ASAP1: variants seen among roughly 807,000 people sequenced by gnomAD.
The protein encoded by ASAP1 is arf-GAP with SH3 domain, ANK repeat and PH domain-containing protein 1.
In ASAP1, 43 loss-of-function variants were observed where a neutral mutation model predicts 145.2. The observed-to-expected ratio is 0.30, with a 90% CI of 0.23 to 0.38. ASAP1 has a LOEUF of 0.38. ASAP1 is among the 10% of genes least tolerant of loss of function. ASAP1 has a pLI of 1.00. For missense variants in ASAP1, 1,018 were observed against 1,355.3 expected (o/e 0.75, Z 3.91); for synonymous variants, 546 against 515.5 (o/e 1.06, Z -0.80).
At chr8:130,120,304 T>C (rs185004922) in intron 18 of ASAP1, among the ~76,000 whole-genome samples, 155 of 152,358 alleles carry the variant, frequency 1.0e-3, no homozygotes, top group Non-Finnish European at 1.1e-3. Context: ...AGGCAGCTAC[T>C]GTGTTGATGG....
At chr8:130,414,230 A>C (rs1187685870) in intron 1 of ASAP1, among the ~76,000 whole-genome samples, 2 of 152,218 alleles carry the variant, frequency 1.3e-5, no homozygotes, top group African/African-American at 4.8e-5. Flanking sequence ...ATGTTTGCTG[A>C]CCCATCTGCC....
intron 7 of ASAP1, among the ~76,000 whole-genome samples, chr8:130,186,158 C>T (rs1010496775): frequency 1.1e-4 from 16 of 152,150 alleles, no homozygotes; most frequent in Non-Finnish European, 2.9e-5. Context: ...TCATGACCCA[C>T]TTTTCATACA....
At chr8:130,382,152 GGCA>G (rs1827799741) in intron 2 of ASAP1, among the ~76,000 whole-genome samples, 1 of 151,834 alleles carries the variant, frequency 6.6e-6, no homozygotes, top group Non-Finnish European at 1.5e-5. Flanking sequence ...TGGGCGTGGT[GGCA>G]GGCGCCTGTA....
chr8:130,105,361 T>C (rs2097535247), intron 24 of ASAP1, among the ~76,000 whole-genome samples: 1 of 152,356 alleles, frequency 6.6e-6, no homozygotes, highest in Middle Eastern at 3.4e-3. Flanking sequence ...CACCATTTTA[T>C]ATAAGGCACT....
intron 3 of ASAP1, among the ~76,000 whole-genome samples, chr8:130,326,863 T>G (rs1328884987): frequency 6.6e-6 from 1 of 152,210 alleles, no homozygotes; most frequent in African/African-American, 2.4e-5. Context: ...AGACAATCAG[T>G]GGCCTATTTC....
chr8:130,088,776 A>C (rs2097499384), intron 25 of ASAP1, among the ~76,000 whole-genome samples: 1 of 152,246 alleles, frequency 6.6e-6, no homozygotes, highest in African/African-American at 2.4e-5. Context: ...TAATGGTAAC[A>C]GTAGCTATCA....
chr8:130,435,165 C>A (rs950892743), intron 1 of ASAP1, among the ~76,000 whole-genome samples: 1 of 152,166 alleles, frequency 6.6e-6, no homozygotes, highest in Non-Finnish European at 1.5e-5. Context: ...CCCCTTTACG[C>A]AGGTGGGGAA....
intron 3 of ASAP1, among the ~76,000 whole-genome samples, chr8:130,354,287 A>G (rs1388205348): frequency 2.6e-5 from 4 of 152,212 alleles, no homozygotes; most frequent in Non-Finnish European, 5.9e-5. Flanking sequence ...TCTCTATAAA[A>G]TGGAAACGAT....
chr8:130,061,645 A>G (rs2097419859), intron 27 of ASAP1, among the ~76,000 whole-genome samples: 2 of 152,196 alleles, frequency 1.3e-5, no homozygotes, highest in African/African-American at 2.4e-5. Flanking sequence ...GGCTTCTTCT[A>G]CTTTGTGCCC....
At chr8:130,440,001 A>G (rs1449534835) in intron 1 of ASAP1, among the ~76,000 whole-genome samples, 1 of 151,880 alleles carries the variant, frequency 6.6e-6, no homozygotes, top group African/African-American at 2.4e-5. Flanking sequence ...GCCACCATAC[A>G]CCCAGCTGTT....
intron 4 of ASAP1, among the ~76,000 whole-genome samples, chr8:130,234,352 CAAA>C (rs1453564608): frequency 1.3e-5 from 2 of 152,008 alleles, no homozygotes; most frequent in African/African-American, 4.8e-5. Context: ...TCTAATAGTA[CAAA>C]CCTAGGAGGA....
chr8:130,163,862 G>A (rs564615603), intron 11 of ASAP1, among the ~76,000 whole-genome samples: 1 of 152,218 alleles, frequency 6.6e-6, no homozygotes, highest in South Asian at 2.1e-4. Flanking sequence ...TTCTCTATTA[G>A]TATAGACAAA....
rs549718313 is a variant in ASAP1 at position 130,150,507 on chromosome 8, T to C, written c.1080+2229A>G. On this transcript the variant is annotated intron_variant, in intron 13 of 29. Transcript: ENST00000518721. ...AAAACCATCATATAACTTCTCAAAA[T>C]GCCTAGTGAGGACTGTTACAGCCTC... 6.6e-4 allele frequency among the ~76,000 whole-genome samples: 100 copies of C among 152,180 alleles called. 1 individual carries two copies. The highest frequency in any genetic ancestry group is 1.2e-3 in the Non-Finnish European group (79 of 68,024).
chr8:130,384,381 T>C (rs1271159641), intron 2 of ASAP1, among the ~76,000 whole-genome samples: 1 of 152,190 alleles, frequency 6.6e-6, no homozygotes, highest in Non-Finnish European at 1.5e-5. Context: ...TCTGTGTTAG[T>C]ATGTGCCACC....
At chr8:130,110,416 C>T (rs2097544734) in intron 24 of ASAP1, among the ~76,000 whole-genome samples, 1 of 152,202 alleles carries the variant, frequency 6.6e-6, no homozygotes, top group Non-Finnish European at 1.5e-5. Context: ...CTGGAGGCTT[C>T]TCACAGTCCT....
At chr8:130,264,519 A>C (rs1369787729) in intron 3 of ASAP1, among the ~76,000 whole-genome samples, 2 of 152,212 alleles carry the variant, frequency 1.3e-5, no homozygotes, top group Non-Finnish European at 2.9e-5. Context: ...AACACCTCTG[A>C]CTGTGGAAGC....
chr8:130,416,204 G>C (rs978072549), intron 1 of ASAP1, among the ~76,000 whole-genome samples: 1 of 152,082 alleles, frequency 6.6e-6, no homozygotes, highest in African/African-American at 2.4e-5. Flanking sequence ...AGGACAAGCC[G>C]CTGATTTCAG....
At chr8:130,329,350 G>C (rs1824535956) in intron 3 of ASAP1, among the ~76,000 whole-genome samples, 1 of 152,176 alleles carries the variant, frequency 6.6e-6, no homozygotes, top group Non-Finnish European at 1.5e-5. Flanking sequence ...CTTCAGCTTT[G>C]GCTTGGCTCT....
At chr8:130,133,756 C>T (rs1052310334) in intron 15 of ASAP1, among the ~76,000 whole-genome samples, 5 of 152,106 alleles carry the variant, frequency 3.3e-5, no homozygotes, top group Admixed American at 6.5e-5. Context: ...CACTATATCA[C>T]GCTCCCTTTT....
Sources: gnomAD v4.1 joint callset for allele counts (sites outside exome capture counted in the v4.1 genomes callset) on GRCh38, gnomAD v4.1.1 for gene constraint, MANE v1.5 for transcripts, NCBI Gene and HGNC (gene_info 2026-07-23, HGNC 2026-07-21) for gene names.